The following ABCD2 variants were observed in gnomAD, a reference collection of about 807,000 sequenced individuals.
The protein encoded by ABCD2 is ATP-binding cassette sub-family D member 2.
A neutral mutation model predicts 70.9 loss-of-function variants in ABCD2; 36 were observed. The ratio of observed to expected loss-of-function variants is 0.51; its 90% confidence interval spans 0.39 to 0.67. The LOEUF is 0.67. ABCD2 is among the 30% of genes least tolerant of loss of function. The pLI is 0.00. For missense variants in ABCD2, 729 were observed against 890.2 expected (o/e 0.82, Z 2.30); for synonymous variants, 304 against 306.9 (o/e 0.99, Z 0.10).
chr12:39,545,591 G>A (rs1941018431), downstream of ABCD2, among the ~76,000 whole-genome samples: 1 of 152,162 alleles, frequency 6.6e-6, no homozygotes, highest in South Asian at 2.1e-4. Flanking sequence ...GGCTGGTGGT[G>A]AGAAGAGGTG....
chr12:39,549,429 A>G (rs559030849), downstream of ABCD2, among the ~76,000 whole-genome samples: 11 of 152,008 alleles, frequency 7.2e-5, no homozygotes, highest in South Asian at 2.3e-3. Flanking sequence ...TCTGACAAGG[A>G]CTGTCTTGTT....
At chr12:39,563,616 T>C (rs953454832) in intron 9 of ABCD2, among the ~76,000 whole-genome samples, 1 of 151,906 alleles carries the variant, frequency 6.6e-6, no homozygotes, top group African/African-American at 2.4e-5. Flanking sequence ...TGGCTGCAGA[T>C]AACATGTTCT....
intron 9 of ABCD2, among the ~76,000 whole-genome samples, chr12:39,557,207 T>C (rs1039381516): frequency 1.2e-4 from 19 of 152,172 alleles, no homozygotes; most frequent in African/African-American, 4.3e-4. Flanking sequence ...TCTTGGGAAC[T>C]AGAGCAAAGC....
chr12:39,533,386 T>G, the ABCD2 span, among the ~76,000 whole-genome samples: 1 of 152,054 alleles, frequency 6.6e-6, no homozygotes, highest in Non-Finnish European at 1.5e-5. Flanking sequence ...TCAAAAGAGA[T>G]TCATTTTTTT....
rs1942153532 is a variant in ABCD2 at position 39,618,921 on chromosome 12, A to G, written c.695T>C (p.Ile232Thr). The change falls in exon 1 of 10, where the codon ATT (isoleucine) becomes ACT (threonine). Residue 232 changes from isoleucine (I) to threonine (T), a missense_variant. By Grantham distance (89) the Ile-to-Thr change is moderately conservative. Around this residue, in one of 3 missense-constraint regions of ABCD2, gnomAD observed 195 missense variants for 300.2 expected, o/e 0.65. Coordinates refer to ENST00000308666, the MANE Select transcript of ABCD2 (RefSeq NM_005164.4). ...AHLYSNLTKP[I>T]LDVMLTSYTL... ...ATAGGAGGTCAGCATTACATCTAAA[A>G]TAGGTTTGGTCAGATTGGAATACAA... is the stretch of plus-strand genomic sequence containing the variant. 1 of 1,614,136 alleles carries G rather than the reference A, an allele frequency of 6.2e-7. No individual in the cohort carries two copies. The highest frequency in any genetic ancestry group is 1.7e-5 in the Admixed American group (1 of 60,012).
At chr12:39,610,207 G>A (rs1942026713) in intron 2 of ABCD2, among the ~76,000 whole-genome samples, 1 of 152,182 alleles carries the variant, frequency 6.6e-6, no homozygotes, top group South Asian at 2.1e-4. Context: ...TTGACGTCAA[G>A]CACTGATTTC....
chr12:39,534,422 C>T, the ABCD2 span, among the ~76,000 whole-genome samples: 1 of 152,066 alleles, frequency 6.6e-6, no homozygotes, highest in African/African-American at 2.4e-5. Flanking sequence ...GTTTCTCTGC[C>T]TGTAAAAATT....
chr12:39,555,904 G>A (rs1941158382), intron 9 of ABCD2, among the ~76,000 whole-genome samples: 1 of 152,158 alleles, frequency 6.6e-6, no homozygotes, highest in Admixed American at 6.5e-5. Context: ...CACTGTGCCA[G>A]CCTTGGTGGT....
chr12:39,618,025 C>CA (rs1566594610), intron 1 of ABCD2, among the ~76,000 whole-genome samples: 2 of 140,524 alleles, frequency 1.4e-5, no homozygotes, highest in African/African-American at 5.2e-5. Context: ...CTAATTTCAG[C>CA]TTTTTTTTTT....
chr12:39,586,098 G>A, intron 7 of ABCD2, 54 bp downstream of exon 7: 1 of 1,502,624 alleles, frequency 6.7e-7, no homozygotes, highest in Non-Finnish European at 9.1e-7. Flanking sequence ...ATATACCCAA[G>A]CTTACTTTTT....
Position 39,565,573 on chromosome 12 carries a change from A to T in ABCD2, c.2003+8143T>A, listed in dbSNP as rs555521000. Among the ~76,000 whole-genome samples the T allele has an allele frequency of 1.3e-4, 20 of 152,344 alleles. No homozygotes were observed. In the South Asian group the frequency reaches 2.9e-3, roughly 22 times the overall value. On this transcript the variant is annotated intron_variant, in intron 9 of 9. Transcript: ENST00000308666. ...CTAGGTATTCAATCATTTCATCTGCAAACAGGGACAACTTGACTTCCTCTT... is the reference window on the plus strand; with the variant it reads ...CTAGGTATTCAATCATTTCATCTGCTAACAGGGACAACTTGACTTCCTCTT...
chr12:39,606,469 A>G (rs1271962329), intron 3 of ABCD2, among the ~76,000 whole-genome samples: 2 of 152,212 alleles, frequency 1.3e-5, no homozygotes, highest in African/African-American at 4.8e-5. Flanking sequence ...AGAAAAACTA[A>G]TTGTTATCAT....
chr12:39,612,160 CTG>C (rs1942053903), intron 2 of ABCD2, among the ~76,000 whole-genome samples: 2 of 152,114 alleles, frequency 1.3e-5, no homozygotes, highest in Non-Finnish European at 2.9e-5. Flanking sequence ...TTTTGGAAAA[CTG>C]TTTTACAAAA....
At chr12:39,607,565 T>A in intron 3 of ABCD2, 34 bp downstream of exon 3, 1 of 1,488,190 alleles carries the variant, frequency 6.7e-7, no homozygotes, top group South Asian at 1.2e-5. Flanking sequence ...ATAAATTTTA[T>A]TTTAATTGAA....
chr12:39,590,594 T>C (rs1253314627), intron 6 of ABCD2, among the ~76,000 whole-genome samples: 1 of 152,022 alleles, frequency 6.6e-6, no homozygotes, highest in East Asian at 1.9e-4. Context: ...TTCAAATGTA[T>C]ATATAGTTAA....
chr12:39,554,167 A>G lies in ABCD2; in HGVS notation c.2004-36T>C, dbSNP rs762854191. On this transcript the variant is annotated intron_variant, in intron 9 of 9. Coordinates refer to ENST00000308666, the MANE Select transcript of ABCD2 (RefSeq NM_005164.4). ...AAAATGAAATAATATTATTAGCCAT[A>G]ATGTTGAAAAATCATTTTAGTTGTA... The G allele has an allele frequency of 2.8e-5, 44 of 1,558,544 alleles. No homozygotes were observed. In the South Asian group the frequency reaches 4.5e-4, roughly 16 times the overall value.
chr12:39,578,566 T>C (rs1941553023), intron 8 of ABCD2, among the ~76,000 whole-genome samples: 1 of 149,562 alleles, frequency 6.7e-6, no homozygotes, highest in South Asian at 2.2e-4. Flanking sequence ...TCCAAGGGAG[T>C]TGGGAGGGGG....
At position 39,591,438 on chromosome 12, in the gene ABCD2, G is replaced by T. The variant is rs899504211; in HGVS notation, c.1647-5141C>A. Among the ~76,000 whole-genome samples, 6 of 152,148 alleles carry T rather than the reference G, an allele frequency of 3.9e-5. No homozygotes were observed. In the East Asian group the frequency reaches 1.2e-3, roughly 29 times the overall value. ...TAATAAAAATAATATTAGGCCAGGT[G>T]CAGTGGCTCGCATCTGTAATCCCCG... On this transcript the variant is annotated intron_variant, in intron 6 of 9. Coordinates refer to ENST00000308666, the MANE Select transcript of ABCD2 (RefSeq NM_005164.4).
chr12:39,532,613 T>C, the ABCD2 span, among the ~76,000 whole-genome samples: 2 of 152,102 alleles, frequency 1.3e-5, no homozygotes, highest in East Asian at 1.9e-4. Flanking sequence ...CTTAGCAGCA[T>C]GGAAGCCACG....
Sources: allele counts gnomAD v4.1 joint callset (sites outside exome capture counted in the v4.1 genomes callset), GRCh38; gene constraint gnomAD v4.1.1; regional missense constraint gnomAD v4.1.1; transcripts MANE v1.5; gene names NCBI Gene and HGNC (gene_info 2026-07-23, HGNC 2026-07-21).